SYNRG: variants seen among roughly 807,000 people sequenced by gnomAD.
SYNRG encodes synergin gamma.
Under a neutral mutation model 130.9 loss-of-function variants are expected in SYNRG, and 37 were observed. That is an observed-to-expected ratio of 0.28 (90% CI 0.22 to 0.37). The LOEUF (loss-of-function observed/expected upper bound fraction) is 0.37, where lower values mean the gene tolerates loss of function less well. SYNRG is among the 10% of genes least tolerant of loss of function. The pLI is 1.00. For missense variants in SYNRG, 1,338 were observed against 1,588.9 expected (o/e 0.84, Z 2.68); for synonymous variants, 539 against 568.1 (o/e 0.95, Z 0.73).
rs552799289 is a variant in SYNRG at position 37,574,916 on chromosome 17, G to C, written c.901+1425C>G. On this transcript the variant is annotated intron_variant, in intron 8 of 21. Coordinates refer to ENST00000612223, the MANE Select transcript of SYNRG (RefSeq NM_007247.6). ...GCAACCTAAGTGTCCATTGACAGAC[G>C]AATGGATAAAGAAAATGTGGTACAT... Among the ~76,000 whole-genome samples the C allele has an allele frequency of 2.0e-5, 3 of 152,108 alleles. No individual in the cohort carries two copies. The South Asian group carries it at 6.2e-4, about 32-fold the overall frequency.
chr17:37,532,407 T>C (rs902584565), intron 19 of SYNRG, among the ~76,000 whole-genome samples: 7 of 152,164 alleles, frequency 4.6e-5, no homozygotes, highest in African/African-American at 1.7e-4. Context: ...TGGTGGCTCA[T>C]ACCTGTAATG....
chr17:37,596,336 T>C lies in SYNRG; in HGVS notation c.127A>G (p.Met43Val). Residue 43 changes from methionine (M) to valine (V), a missense_variant, in exon 3 of 22, where the codon ATG becomes GTG. Coordinates refer to ENST00000612223, the MANE Select transcript of SYNRG (RefSeq NM_007247.6). ...GGIRPPQAGL[M>V]PMQQQGFPMV... The stretch of plus-strand genomic sequence containing the variant: ...GGAAATCCTTGTTGCTGCATCGGCA[T>C]CAGGCCTGCTGAAAATATAAAGACA... 1 of 1,613,930 alleles carries C rather than the reference T, an allele frequency of 6.2e-7. No homozygotes were observed. The highest frequency in any genetic ancestry group is 8.5e-7 in the Non-Finnish European group (1 of 1,179,954).
intron 1 of SYNRG, among the ~76,000 whole-genome samples, chr17:37,605,109 C>T (rs773420613): frequency 1.5e-4 from 23 of 152,238 alleles, no homozygotes; most frequent in Admixed American, 6.5e-4. Context: ...AAAAATTGCG[C>T]GGATAAACTT....
At chr17:37,567,458 G>C (rs1346920291) in intron 11 of SYNRG, 1 of 152,202 alleles carries the variant, frequency 6.6e-6, no homozygotes, top group Non-Finnish European at 1.5e-5. Flanking sequence ...GGGATGCTTA[G>C]ATAGCAGTAG....
At chr17:37,579,081 G>A (rs577768042) in intron 6 of SYNRG, 1 of 1,094,464 alleles carries the variant, frequency 9.1e-7, no homozygotes, top group South Asian at 2.4e-5. Flanking sequence ...ACAGAAATAA[G>A]TTATCCCAGG....
intron 14 of SYNRG, among the ~76,000 whole-genome samples, chr17:37,545,056 C>T (rs924868756): frequency 4.0e-5 from 6 of 151,616 alleles, no homozygotes; most frequent in Non-Finnish European, 5.9e-5. Context: ...CCTGTCTCTA[C>T]TAAAAATACA....
rs757448398 is a variant in SYNRG at position 37,570,621 on chromosome 17, C to T, written c.1347+16G>A. 5.0e-6 allele frequency: 8 copies of T among 1,602,692 alleles called. No individual in the cohort carries two copies. The Admixed American group carries it at 1.4e-4, about 28-fold the overall frequency. On this transcript the variant is annotated intron_variant, in intron 10 of 21. Transcript: ENST00000612223. Reference sequence around the variant, plus strand: ...TTTCAGTGATTATCTGAAATATGCACAGCTTCGCCATTTACCTGATTTGCA... The same window carrying T: ...TTTCAGTGATTATCTGAAATATGCATAGCTTCGCCATTTACCTGATTTGCA...
At chr17:37,533,582 CTTTTT>C (rs1041592155) in intron 19 of SYNRG, among the ~76,000 whole-genome samples, 6 of 146,580 alleles carry the variant, frequency 4.1e-5, no homozygotes, top group African/African-American at 1.5e-4. Context: ...TCTTTCTTTT[CTTTTT>C]CTTTTTTTTT....
intron 4 of SYNRG, among the ~76,000 whole-genome samples, chr17:37,585,980 G>A (rs2061662537): frequency 6.6e-6 from 1 of 152,060 alleles, no homozygotes; most frequent in Non-Finnish European, 1.5e-5. Context: ...TATAATAATG[G>A]TAGTTTAAAG....
In SYNRG at chr17:37,516,402, G is replaced by A. The variant is rs2054429113; in HGVS notation, c.*2538C>T. The A allele has an allele frequency of 6.6e-6, 1 of 152,138 alleles. No individual in the cohort carries two copies. Among genetic ancestry groups the A allele is most frequent in the Non-Finnish European group, 1.5e-5 (1 of 68,020 alleles). 9.4% of individuals were successfully genotyped at this position (152,138 alleles called of 1,614,324 possible). ...GGTAGTGAATACTTTTCATAGCAAA[G>A]GCTTTTTTTCTGTTGACATCTGCTG... On this transcript the variant is annotated 3_prime_UTR_variant, in exon 22 of 22. Transcript: ENST00000612223.
In SYNRG at chr17:37,586,455, G is replaced by A; in HGVS notation, c.335C>T (p.Thr112Ile). The A allele has an allele frequency of 6.2e-7, 1 of 1,614,194 alleles. No individual in the cohort carries two copies. Among genetic ancestry groups the A allele is most frequent in the South Asian group, 1.1e-5 (1 of 91,082 alleles). ...LGMRPPGPQY[T>I]PDMQKQFAEE... ...GGCAAACTGCTTCTGCATGTCTGGA[G>A]TGTACTGTGGGCCTGGAGGACGCAT... The change falls in exon 4 of 22, where the codon ACT becomes ATT. Residue 112 changes from threonine to isoleucine, a missense_variant. Thr to Ile is a moderately conservative substitution (Grantham distance 89, BLOSUM62 -1). Coordinates refer to ENST00000612223, the MANE Select transcript of SYNRG (RefSeq NM_007247.6).
intron 1 of SYNRG, among the ~76,000 whole-genome samples, chr17:37,608,921 GA>G (rs2064085513): frequency 6.6e-6 from 1 of 152,170 alleles, no homozygotes; most frequent in African/African-American, 2.4e-5. Flanking sequence ...CAAGGAAAGG[GA>G]AGACCCTGGT....
intron 13 of SYNRG, among the ~76,000 whole-genome samples, chr17:37,555,014 A>G (rs1463831467): frequency 1.3e-5 from 2 of 152,150 alleles, no homozygotes; most frequent in East Asian, 3.8e-4. Flanking sequence ...CCTGAGAAAC[A>G]TGTGTCTCAG....
At chr17:37,519,348 G>T (rs1382464662) in intron 21 of SYNRG, among the ~76,000 whole-genome samples, 2 of 152,138 alleles carry the variant, frequency 1.3e-5, no homozygotes, top group African/African-American at 4.8e-5. Context: ...GTGGAGGGGG[G>T]GAATCATGAT....
chr17:37,552,986 A>G, intron 14 of SYNRG, 129 bp downstream of exon 14: 1 of 795,046 alleles, frequency 1.3e-6, no homozygotes, highest in East Asian at 2.7e-5. Flanking sequence ...GAGACTGGCA[A>G]TAAAGAGGTT....
intron 2 of SYNRG, among the ~76,000 whole-genome samples, chr17:37,596,881 G>A (rs1316938486): frequency 1.3e-5 from 2 of 152,066 alleles, no homozygotes; most frequent in Non-Finnish European, 2.9e-5. Context: ...CAAGTAGCTG[G>A]GACTACAGGT....
chr17:37,595,848 G>A (rs1384742317), intron 3 of SYNRG, among the ~76,000 whole-genome samples: 1 of 150,502 alleles, frequency 6.6e-6, no homozygotes, highest in African/African-American at 2.5e-5. Context: ...TCCACCTCTC[G>A]GGTTTAAGGG....
chr17:37,546,972 T>C (rs1266455717), intron 14 of SYNRG, among the ~76,000 whole-genome samples: 2 of 152,226 alleles, frequency 1.3e-5, no homozygotes, highest in African/African-American at 2.4e-5. Context: ...GTCATATTCA[T>C]ATTCTCTATT....
chr17:37,525,678 C>A (rs568938355), intron 19 of SYNRG, among the ~76,000 whole-genome samples: 1 of 151,946 alleles, frequency 6.6e-6, no homozygotes, highest in African/African-American at 2.4e-5. Context: ...ACTAAAAATA[C>A]AAAAAAATGC....
Sources: allele counts gnomAD v4.1 joint callset (sites outside exome capture counted in the v4.1 genomes callset), GRCh38; gene constraint gnomAD v4.1.1; transcripts MANE v1.5; gene names NCBI Gene and HGNC (gene_info 2026-07-23, HGNC 2026-07-21).